The following LUZP1 variants were observed in gnomAD, a reference collection of about 807,000 sequenced individuals.
LUZP1 encodes filamin mechanobinding actin cross-linking protein.
A neutral mutation model predicts 71.3 loss-of-function variants in LUZP1; 25 were observed. The observed-to-expected ratio is 0.35, with a 90% confidence interval of 0.26 to 0.49. The LOEUF (loss-of-function observed/expected upper bound fraction) is 0.49, where lower values mean the gene tolerates loss of function less well. Among genes scored for constraint, LUZP1 ranks in the 20% least tolerant of loss-of-function variants. LUZP1 has a pLI of 0.99. For synonymous variants in LUZP1, 481 were observed against 506.4 expected (o/e 0.95, Z 0.67); for missense variants, 1,142 against 1,300.8 (o/e 0.88, Z 1.88).
At chr1:23,161,691 C>T (rs1644467359) in intron 2 of LUZP1, among the ~76,000 whole-genome samples, 1 of 152,026 alleles carries the variant, frequency 6.6e-6, no homozygotes, top group African/African-American at 2.4e-5. Flanking sequence ...CGAAAAGTAG[C>T]CAGGAGACGG....
intron 2 of LUZP1, among the ~76,000 whole-genome samples, chr1:23,168,291 C>T (rs1260709948): frequency 2.0e-5 from 3 of 147,720 alleles, no homozygotes; most frequent in Non-Finnish European, 4.5e-5. Flanking sequence ...TCCTCCGGTG[C>T]CCGCCGGGCC....
chr1:23,084,715 A>AAAAC, exon 5 of LUZP1: 1 of 89,456 alleles, frequency 1.1e-5, no homozygotes, highest in Middle Eastern at 5.1e-3. Flanking sequence ...CTGGAAGATG[A>AAAAC]AAACGGAGAA....
Position 23,125,300 on chromosome 1 carries a change from G to A in LUZP1, c.-225-16173C>T, listed in dbSNP as rs143698468. On this transcript the variant is annotated intron_variant, in intron 2 of 4. Transcript: ENST00000302291. ...CACTAAAATGATGGCTGCGACCCCT[G>A]TAAGGATCTAGCTGGACCATCTGCA... Among the ~76,000 whole-genome samples the A allele has an allele frequency of 2.5e-3, 382 of 152,270 alleles. 4 individuals carry two copies. The highest frequency in any genetic ancestry group is 8.5e-3 in the African/African-American group (353 of 41,552).
chr1:23,163,555 T>TAAAAA (rs57231452), intron 2 of LUZP1, among the ~76,000 whole-genome samples: 1 of 119,162 alleles, frequency 8.4e-6, no homozygotes, highest in African/African-American at 3.2e-5. Flanking sequence ...TCCCGTCTCT[T>TAAAAA]AAAAAAAAAA....
intron 1 of LUZP1, among the ~76,000 whole-genome samples, chr1:23,170,469 T>C (rs1644544488): frequency 2.0e-5 from 2 of 102,484 alleles, no homozygotes; most frequent in African/African-American, 7.6e-5. Context: ...TTTCTTTTTT[T>C]TTTTTTTTTT....
intron 1 of LUZP1, among the ~76,000 whole-genome samples, chr1:23,173,350 C>CTTTTTTTTTTTTTTTT (rs869169060): frequency 3.5e-4 from 28 of 80,352 alleles, no homozygotes; most frequent in Non-Finnish European, 5.8e-4. Context: ...TTTGTTTTTT[C>CTTTTTTTTTTTTTTTT]TTTTTTTTTT....
intron 1 of LUZP1, among the ~76,000 whole-genome samples, chr1:23,169,204 C>T (rs904573185): frequency 6.6e-6 from 1 of 151,870 alleles, no homozygotes; most frequent in African/African-American, 2.4e-5. Flanking sequence ...ATAAAAAATA[C>T]AAAAATTAGC....
intron 2 of LUZP1, among the ~76,000 whole-genome samples, chr1:23,119,725 C>T (rs1196792345): frequency 6.6e-6 from 1 of 152,082 alleles, no homozygotes; most frequent in African/African-American, 2.4e-5. Flanking sequence ...GTGCATAGAA[C>T]GTGGCACACA....
chr1:23,088,722 A>AT (rs1643805660), exon 5 of LUZP1: 2 of 785,040 alleles, frequency 2.5e-6, no homozygotes, highest in African/African-American at 3.5e-5. Context: ...GTAGTCTCTG[A>AT]TTCCCTCTGG....
chr1:23,097,229 G>A (rs536760815), intron 3 of LUZP1, among the ~76,000 whole-genome samples: 3 of 152,248 alleles, frequency 2.0e-5, no homozygotes, highest in African/African-American at 4.8e-5. Flanking sequence ...TGGGGGTTAC[G>A]TTTCAACACG....
chr1:23,117,031 TCTG>T (rs932552676), intron 2 of LUZP1, among the ~76,000 whole-genome samples: 10 of 152,230 alleles, frequency 6.6e-5, no homozygotes, highest in African/African-American at 9.6e-5. Context: ...AAAAAGGTTT[TCTG>T]CTGCTATTTT....
chr1:23,136,385 A>C (rs1170373749), intron 2 of LUZP1, among the ~76,000 whole-genome samples: 1 of 151,778 alleles, frequency 6.6e-6, no homozygotes, highest in African/African-American at 2.4e-5. Context: ...ACAATTTTCC[A>C]ACAAACGTAA....
exon 5 of LUZP1, chr1:23,087,039 C>T (rs1176276331): frequency 6.6e-6 from 1 of 152,164 alleles, no homozygotes; most frequent in Admixed American, 6.5e-5. Flanking sequence ...CTTGAGTCTT[C>T]CTCTTGCCAG....
intron 2 of LUZP1, among the ~76,000 whole-genome samples, chr1:23,150,443 C>T (rs1039527175): frequency 7.2e-5 from 11 of 151,986 alleles, no homozygotes; most frequent in African/African-American, 1.7e-4. Context: ...ACAGAAAAAG[C>T]CGTGTTTTCA....
chr1:23,103,423 C>A lies in LUZP1; in HGVS notation c.-120+5599G>T, dbSNP rs1056844708. The stretch of plus-strand genomic sequence containing the variant: ...GATACGCAAACTCAAGAGTGAGGGA[C>A]CCAGCTAGCATACAGAGATTCTTCA... On this transcript the variant is annotated intron_variant, in intron 3 of 4. Transcript: ENST00000302291. Among the ~76,000 whole-genome samples the A allele has an allele frequency of 2.0e-5, 3 of 152,124 alleles. No homozygotes were observed. The East Asian group carries it at 5.8e-4, about 29-fold the overall frequency.
exon 4 of LUZP1, chr1:23,091,551 T>C: frequency 6.2e-7 from 1 of 1,614,212 alleles, no homozygotes; most frequent in Non-Finnish European, 8.5e-7. Flanking sequence ...AGGGGCACTA[T>C]GGCTTTTCCA....
At chr1:23,129,784 C>A (rs1025146329) in intron 2 of LUZP1, among the ~76,000 whole-genome samples, 1 of 152,144 alleles carries the variant, frequency 6.6e-6, no homozygotes, top group Non-Finnish European at 1.5e-5. Flanking sequence ...TTTTCCTCCC[C>A]AGTTCATTCA....
intron 2 of LUZP1, among the ~76,000 whole-genome samples, chr1:23,152,659 T>C (rs1205386944): frequency 6.6e-6 from 1 of 151,896 alleles, no homozygotes; most frequent in Non-Finnish European, 1.5e-5. Flanking sequence ...GCCTACCGAG[T>C]AGCTGGGATT....
intron 4 of LUZP1, chr1:23,090,450 C>G (rs1347028560): frequency 5.8e-6 from 1 of 173,198 alleles, no homozygotes; most frequent in Non-Finnish European, 1.2e-5. Flanking sequence ...AGTTTTTCAT[C>G]ATCACAGGTT....
Sources: allele counts gnomAD v4.1 joint callset (sites outside exome capture counted in the v4.1 genomes callset), GRCh38; gene constraint gnomAD v4.1.1; transcripts MANE v1.5; gene names NCBI Gene and HGNC (gene_info 2026-07-23, HGNC 2026-07-21).